NSD3: variants seen among roughly 807,000 people sequenced by gnomAD.
NSD3 encodes histone-lysine N-methyltransferase NSD3.
NSD3 carries 24 observed loss-of-function variants against 160.8 expected under a neutral mutation model. The ratio of observed to expected loss-of-function variants is 0.15; its 90% CI spans 0.11 to 0.21. The LOEUF is 0.21. Ranked by LOEUF, NSD3 falls within the 10% of genes least tolerant of loss-of-function variation. The probability of loss-of-function intolerance (pLI) is 1.00; values close to 1 mark genes in which losing one functional copy is unlikely to be tolerated. For missense variants in NSD3, 1,157 were observed against 1,735.9 expected, an observed-to-expected ratio of 0.67 and a Z score of 5.93; for synonymous variants, 520 against 600.0, an observed-to-expected ratio of 0.87 and a Z score of 1.95.
chr8:38,314,554 A>G, intron 12 of NSD3, 93 bp downstream of exon 12: 13 of 1,508,390 alleles, frequency 8.6e-6, no homozygotes, highest in Non-Finnish European at 1.2e-5. Context: ...AATAAAAGTG[A>G]TGGGAACAAG....
Position 38,305,191 on chromosome 8 carries a change from G to A in NSD3, c.2440+57C>T, listed in dbSNP as rs1585870853. ...TTGTTTGTAATATATGCTTGATAAT[G>A]TTATTTGCCACTGCCCTTAAAACAA... On this transcript the variant is annotated intron_variant, in intron 13 of 23. Transcript: ENST00000317025. The A allele has an allele frequency of 3.2e-6, 5 of 1,552,752 alleles. No homozygotes were observed. The East Asian group carries it at 9.0e-5, about 28-fold the overall frequency.
chr8:38,324,588 A>G (rs969036027), intron 7 of NSD3, among the ~76,000 whole-genome samples: 1 of 152,210 alleles, frequency 6.6e-6, no homozygotes, highest in Non-Finnish European at 1.5e-5. Context: ...ATATTGTGAT[A>G]TGATAAGAAA....
At chr8:38,355,207 T>G (rs759191042) in intron 1 of NSD3, among the ~76,000 whole-genome samples, 9 of 152,134 alleles carry the variant, frequency 5.9e-5, no homozygotes, top group Non-Finnish European at 1.0e-4. Context: ...GGCAACTTAT[T>G]CAGCATCTCT....
intron 1 of NSD3, among the ~76,000 whole-genome samples, 192 bp from the exon 2 acceptor site, chr8:38,348,407 C>T (rs1437612812): frequency 6.6e-6 from 1 of 152,158 alleles, no homozygotes; most frequent in African/African-American, 2.4e-5. Context: ...ATCTTCAATG[C>T]TTATCTGTTT....
chr8:38,309,279 C>G (rs1809478142), intron 12 of NSD3, among the ~76,000 whole-genome samples: 1 of 152,078 alleles, frequency 6.6e-6, no homozygotes, highest in African/African-American at 2.4e-5. Flanking sequence ...GCTAGCCTGG[C>G]CAACATGGCA....
At chr8:38,374,913 A>G (rs1386353437) in intron 1 of NSD3, among the ~76,000 whole-genome samples, 1 of 152,158 alleles carries the variant, frequency 6.6e-6, no homozygotes, top group Non-Finnish European at 1.5e-5. Flanking sequence ...CTGAGGCAGG[A>G]GAATGGCGCG....
chr8:38,375,039 A>C (rs1811355840), intron 1 of NSD3, among the ~76,000 whole-genome samples: 1 of 152,058 alleles, frequency 6.6e-6, no homozygotes, highest in East Asian at 1.9e-4. Flanking sequence ...ATAAATAATA[A>C]TTCTTGTGCT....
Position 38,288,510 on chromosome 8 carries a change from T to G in NSD3, c.3478A>C (p.Arg1160=), listed in dbSNP as rs1466396357. The change falls in exon 19 of 24, where the codon AGG becomes CGG. Residue 1160 remains arginine (R), a synonymous_variant. Transcript: ENST00000317025. The surrounding 1 kb of genome is among the most constrained non-coding windows in gnomAD (Gnocchi z 4.5). ...ACCTTCTTAATGCTCCTTTTGGTCC[T>G]GAGGCCCCAGCCTCTCCGCTCCGTT... ...IKTERRGWGL[R]TKRSIKKGEF... is the part of the protein sequence containing the mutation. 1.9e-6 allele frequency: 3 copies of G among 1,614,066 alleles called. No individual in the cohort carries two copies. The highest frequency in any genetic ancestry group is 2.5e-6 in the Non-Finnish European group (3 of 1,180,008).
intron 2 of NSD3, among the ~76,000 whole-genome samples, chr8:38,343,468 A>G (rs1418081331): frequency 6.6e-6 from 1 of 152,038 alleles, no homozygotes; most frequent in East Asian, 1.9e-4. Context: ...TTGGGAGGCC[A>G]AGGTGGGTGG....
At chr8:38,314,320 G>T (rs996851833) in intron 12 of NSD3, among the ~76,000 whole-genome samples, 12 of 152,092 alleles carry the variant, frequency 7.9e-5, no homozygotes, top group African/African-American at 2.9e-4. Context: ...GTCTCTTAAA[G>T]AACTTTAAAC....
At chr8:38,341,671 G>C (rs1810370497) in intron 2 of NSD3, among the ~76,000 whole-genome samples, 1 of 152,156 alleles carries the variant, frequency 6.6e-6, no homozygotes, top group Non-Finnish European at 1.5e-5. Flanking sequence ...AACGGTACCA[G>C]CTGTGCACAG....
chr8:38,279,956 T>C, intron 20 of NSD3: 5 of 319,618 alleles, frequency 1.6e-5, no homozygotes, highest in Non-Finnish European at 2.9e-5. Flanking sequence ...ATTTAGAAGA[T>C]TAGTGGGCCA....
chr8:38,305,573 C>CA, intron 12 of NSD3, 128 bp from the exon 13 acceptor site: 16 of 754,138 alleles, frequency 2.1e-5, no homozygotes, highest in Non-Finnish European at 3.2e-5. Flanking sequence ...ATTTAATGCA[C>CA]AAAAAAAATT....
At chr8:38,351,058 G>A (rs576726557) in intron 1 of NSD3, among the ~76,000 whole-genome samples, 4 of 148,996 alleles carry the variant, frequency 2.7e-5, no homozygotes, top group South Asian at 2.1e-4. Flanking sequence ...TGCAAGCGCC[G>A]CCTCCCAGGT....
chr8:38,301,002 G>A (rs1342418858), intron 14 of NSD3, among the ~76,000 whole-genome samples: 3 of 151,996 alleles, frequency 2.0e-5, no homozygotes, highest in East Asian at 1.9e-4. Context: ...ACAGGGTCTC[G>A]CTCTGTCACC....
chr8:38,359,777 G>C (rs1289012993), intron 1 of NSD3, among the ~76,000 whole-genome samples: 2 of 152,120 alleles, frequency 1.3e-5, no homozygotes, highest in Non-Finnish European at 2.9e-5. Context: ...AATTACAAAT[G>C]CAAGTGATTG....
At chr8:38,341,839 G>A (rs774654220) in intron 2 of NSD3, among the ~76,000 whole-genome samples, 9 of 152,034 alleles carry the variant, frequency 5.9e-5, no homozygotes, top group Non-Finnish European at 1.0e-4. Context: ...CCAGCTACTC[G>A]GGAGGCTAAG....
chr8:38,359,746 T>C (rs1810914341), intron 1 of NSD3, among the ~76,000 whole-genome samples: 1 of 152,194 alleles, frequency 6.6e-6, no homozygotes, highest in African/African-American at 2.4e-5. Context: ...TGAAAATGTT[T>C]TGTCAAGGAA....
intron 16 of NSD3, among the ~76,000 whole-genome samples, chr8:38,292,796 C>A (rs1435757373): frequency 1.7e-4 from 24 of 143,178 alleles, no homozygotes; most frequent in Non-Finnish European, 3.4e-4. Flanking sequence ...CTCAAAAAAA[C>A]AAACAAACAA....
Sources: allele counts gnomAD v4.1 joint callset (sites outside exome capture counted in the v4.1 genomes callset), GRCh38; gene constraint gnomAD v4.1.1; non-coding constraint Gnocchi (gnomAD v3.1); transcripts MANE v1.5; gene names NCBI Gene and HGNC (gene_info 2026-07-23, HGNC 2026-07-21).